Variants in CDK12 observed in about 807,000 individuals in gnomAD.
CDK12 encodes cyclin-dependent kinase 12.
Under a neutral mutation model 133.8 loss-of-function variants are expected in CDK12, and 17 were observed. That is an observed-to-expected ratio of 0.13 (90% CI 0.09 to 0.19). The LOEUF (loss-of-function observed/expected upper bound fraction) is 0.19. Ranked by LOEUF, CDK12 falls within the 10% of genes least tolerant of loss-of-function variation. The probability of loss-of-function intolerance (pLI) is 1.00; values close to 1 mark genes in which losing one functional copy is unlikely to be tolerated. For synonymous variants in CDK12, 694 were observed against 683.6 expected (o/e 1.02, Z -0.24); for missense variants, 1,508 against 1,818.7 (o/e 0.83, Z 3.11).
At chr17:39,518,255 G>T (rs2053936674) in intron 10 of CDK12, among the ~76,000 whole-genome samples, 1 of 151,900 alleles carries the variant, frequency 6.6e-6, no homozygotes, top group African/African-American at 2.4e-5. Context: ...GGGATTATAG[G>T]CGTGAGCCTC....
Position 39,490,744 on chromosome 17 carries a change from G to A in CDK12, c.2108+11G>A, listed in dbSNP as rs747782337. 3 of 1,581,770 alleles carry A rather than the reference G, an allele frequency of 1.9e-6. No homozygotes were observed. Among genetic ancestry groups the A allele is most frequent in the Non-Finnish European group, 2.6e-6 (3 of 1,160,318 alleles). On this transcript the variant is annotated intron_variant, in intron 3 of 13. Transcript: ENST00000447079. ...TAAAAAGAGACCAAAGTGAGTTTTTGGAGGAATCTGTCTTTCATGATAGTT... is the reference window on the plus strand; with the variant it reads ...TAAAAAGAGACCAAAGTGAGTTTTTAGAGGAATCTGTCTTTCATGATAGTT...
chr17:39,545,712 CTG>C (rs985880345), upstream of CDK12, among the ~76,000 whole-genome samples: 5 of 146,280 alleles, frequency 3.4e-5, no homozygotes, highest in African/African-American at 1.0e-4. Context: ...GTTGGCCAGG[CTG>C]GTCTTGAACT....
intron 2 of CDK12, among the ~76,000 whole-genome samples, chr17:39,552,505 A>G (rs771164981): frequency 6.6e-4 from 101 of 152,214 alleles, no homozygotes; most frequent in Admixed American, 1.5e-3. Context: ...TGGAACACAC[A>G]GCAGTGGAAA....
At chr17:39,514,442 G>A (rs1053516752) in intron 8 of CDK12, among the ~76,000 whole-genome samples, 1 of 151,942 alleles carries the variant, frequency 6.6e-6, no homozygotes, top group Non-Finnish European at 1.5e-5. Context: ...CAGATTCATC[G>A]ACCTTTTTTT....
intron 2 of CDK12, among the ~76,000 whole-genome samples, chr17:39,552,809 A>G (rs531144695): frequency 6.6e-6 from 1 of 152,040 alleles, no homozygotes; most frequent in African/African-American, 2.4e-5. Flanking sequence ...GCTCACTGCA[A>G]CCTCTGCCTC....
intron 3 of CDK12, 128 bp from the exon 4 acceptor site, chr17:39,492,623 A>C: frequency 1.6e-6 from 1 of 609,868 alleles, no homozygotes; most frequent in Non-Finnish European, 2.8e-6. Context: ...GTTAGCCAGG[A>C]TAGTCTCGAT....
At chr17:39,518,092 CT>C (rs1224939360) in intron 10 of CDK12, among the ~76,000 whole-genome samples, 1 of 152,018 alleles carries the variant, frequency 6.6e-6, no homozygotes, top group Non-Finnish European at 1.5e-5. Flanking sequence ...ATTCTCCTGC[CT>C]CAGCCTCCCA....
intron 2 of CDK12, among the ~76,000 whole-genome samples, chr17:39,474,459 C>T (rs1191387550): frequency 1.3e-5 from 2 of 152,140 alleles, no homozygotes; most frequent in Non-Finnish European, 2.9e-5. Flanking sequence ...GTTGGGATTA[C>T]AGGTGCATGC....
At chr17:39,501,560 G>A in intron 6 of CDK12, 121 bp downstream of exon 6, 1 of 631,766 alleles carries the variant, frequency 1.6e-6, no homozygotes. Flanking sequence ...ACTATTTAGT[G>A]ATATTTCCTA....
At chr17:39,555,107 T>C (rs111458598) in intron 2 of CDK12, among the ~76,000 whole-genome samples, 4,066 of 151,570 alleles carry the variant, frequency 0.027, 81 homozygotes, top group Non-Finnish European at 0.044. Flanking sequence ...TAGCCGGGCA[T>C]GGTGGCAGGC....
chr17:39,510,937 C>T (rs2053463991), intron 7 of CDK12, among the ~76,000 whole-genome samples: 1 of 129,594 alleles, frequency 7.7e-6, no homozygotes. Context: ...TTTAATAGGC[C>T]AGGCGTGGTG....
In CDK12 at chr17:39,480,026, C is replaced by T. The variant is rs951873427; in HGVS notation, c.1931+8263C>T. On this transcript the variant is annotated intron_variant, in intron 2 of 13. Transcript: ENST00000447079. The stretch of plus-strand genomic sequence containing the variant: ...GCAACCTCCACTTCCTGGGTTCAAG[C>T]GATTTTCCTGCCTCAGCTGCCTGAG... Among the ~76,000 whole-genome samples the T allele has an allele frequency of 2.6e-5, 4 of 151,258 alleles. No individual in the cohort carries two copies. The East Asian group carries it at 5.8e-4, about 22-fold the overall frequency.
intron 13 of CDK12, among the ~76,000 whole-genome samples, chr17:39,527,172 C>T (rs1453067435): frequency 6.6e-6 from 1 of 152,230 alleles, no homozygotes; most frequent in Non-Finnish European, 1.5e-5. Flanking sequence ...AAGAGATATA[C>T]TAATCTTCAA....
Position 39,492,385 on chromosome 17 carries a change from C to T in CDK12, c.2109-366C>T, listed in dbSNP as rs900130030. ...TGCTGGGATTACAGGCATGAGCCAC[C>T]GAGCCCGGCCAATTTCATTTTCTTT... On this transcript the variant is annotated intron_variant, in intron 3 of 13. Transcript: ENST00000447079. 1.1e-4 allele frequency among the ~76,000 whole-genome samples: 17 copies of T among 148,206 alleles called. 1 individual carries two copies. Among genetic ancestry groups the T allele is most frequent in the South Asian group, 4.3e-4 (2 of 4,666 alleles).
At chr17:39,473,374 A>G (rs1222285337) in intron 2 of CDK12, among the ~76,000 whole-genome samples, 2 of 152,186 alleles carry the variant, frequency 1.3e-5, no homozygotes, top group Non-Finnish European at 2.9e-5. Flanking sequence ...TTTAATTTTA[A>G]TGAGTCCTCT....
intron 5 of CDK12, among the ~76,000 whole-genome samples, chr17:39,500,732 C>CT (rs59002312): frequency 2.1e-3 from 314 of 147,854 alleles, no homozygotes; most frequent in Non-Finnish European, 3.9e-3. Flanking sequence ...AGATTAATTC[C>CT]TTTTTTTTTT....
chr17:39,517,920 A>G (rs1294762483), intron 10 of CDK12, among the ~76,000 whole-genome samples: 1 of 150,140 alleles, frequency 6.7e-6, no homozygotes, highest in Non-Finnish European at 1.5e-5. Context: ...TGGCACGTTT[A>G]GGGCTCACTG....
rs1270610154 is a variant in CDK12, at chr17:39,534,155, C to A, written c.*2839C>A. On this transcript the variant is annotated 3_prime_UTR_variant, in exon 14 of 14. Coordinates refer to ENST00000447079, the MANE Select transcript of CDK12 (RefSeq NM_016507.4). ...TTTTTTCTTCAACTGTCCATAGGAA[C>A]GATAAGTATTTGAAAGCAACATCAA... The A allele has an allele frequency of 4.3e-6, 1 of 232,640 alleles. No individual in the cohort carries two copies. 14.4% of individuals were successfully genotyped at this position (232,640 alleles called of 1,614,324 possible).
rs751359258 is a variant in CDK12, at chr17:39,471,241, C to T, written c.1409C>T (p.Thr470Ile). The T allele has an allele frequency of 6.2e-7, 1 of 1,608,296 alleles. No individual in the cohort carries two copies. The highest frequency in any genetic ancestry group is 1.1e-5 in the South Asian group (1 of 90,150). ...CTGGTGAATGTAACACATCTAAACA[C>T]AGAGGTAAAAAATTCTTCAGATACA... ...TELVNVTHLNTEVKNSSDTGK... is the reference protein window; with the variant it reads ...TELVNVTHLNIEVKNSSDTGK... The change falls in exon 2 of 14, where the codon ACA (threonine) becomes ATA (isoleucine). Residue 470 changes from threonine (T) to isoleucine (I), a missense_variant. Around this residue, in one of 9 missense-constraint regions of CDK12, gnomAD observed 347 missense variants for 330.8 expected, o/e 1.05. Transcript: ENST00000447079.
Sources: gnomAD v4.1 joint callset for allele counts (sites outside exome capture counted in the v4.1 genomes callset) on GRCh38, gnomAD v4.1.1 for gene constraint, gnomAD v4.1.1 regional missense constraint, MANE v1.5 for transcripts, NCBI Gene and HGNC (gene_info 2026-07-23, HGNC 2026-07-21) for gene names.